The following RBPJ variants were observed in gnomAD, a reference collection of about 807,000 sequenced individuals.
RBPJ encodes the protein recombining binding protein suppressor of hairless.
In RBPJ, 9 loss-of-function variants were observed where a neutral mutation model predicts 67.8. The observed-to-expected ratio is 0.13, with a 90% CI of 0.08 to 0.23. The LOEUF is 0.23. Ranked by LOEUF, RBPJ falls within the 10% of genes least tolerant of loss-of-function variation. The pLI, the probability that RBPJ is intolerant of heterozygous loss-of-function variation, is 1.00. For synonymous variants in RBPJ, 198 were observed against 203.3 expected, an observed-to-expected ratio of 0.97 and a Z score of 0.22; for missense variants, 305 against 595.6, an observed-to-expected ratio of 0.51 and a Z score of 5.08.
intron 2 of RBPJ, among the ~76,000 whole-genome samples, chr4:26,393,308 T>C (rs1731729939): frequency 6.6e-6 from 1 of 152,232 alleles, no homozygotes; most frequent in African/African-American, 2.4e-5. Flanking sequence ...TTTTATTTTA[T>C]TAAGCACAAA....
At chr4:26,254,389 T>C (rs1720222272) in intron 1 of RBPJ, among the ~76,000 whole-genome samples, 1 of 148,852 alleles carries the variant, frequency 6.7e-6, no homozygotes, top group South Asian at 2.1e-4. Flanking sequence ...TTTCTTCAAA[T>C]ACTCTAAATG....
chr4:26,126,283 A>C, the RBPJ span, among the ~76,000 whole-genome samples: 3 of 152,338 alleles, frequency 2.0e-5, no homozygotes, highest in African/African-American at 7.2e-5. Context: ...GGAGACAGAC[A>C]CTGCTGAAGA....
intron 3 of RBPJ, 136 bp from the exon 4 acceptor site, chr4:26,415,339 T>G (rs1483767973): frequency 1.4e-6 from 1 of 725,738 alleles, no homozygotes; most frequent in Non-Finnish European, 2.2e-6. Context: ...ACAAAAGGCT[T>G]CACCAAAATT....
the RBPJ span, among the ~76,000 whole-genome samples, chr4:26,120,444 G>A: frequency 2.6e-5 from 4 of 152,164 alleles, no homozygotes; most frequent in South Asian, 2.1e-4. Flanking sequence ...TCGTTCTCTC[G>A]GTACCTCTAT....
intron 1 of RBPJ, among the ~76,000 whole-genome samples, chr4:26,379,062 G>A (rs903126799): frequency 6.6e-6 from 1 of 152,002 alleles, no homozygotes; most frequent in Non-Finnish European, 1.5e-5. Flanking sequence ...ATAAGAAAAC[G>A]GTGCTTTTCA....
intron 1 of RBPJ, among the ~76,000 whole-genome samples, chr4:26,291,052 A>G (rs1449656090): frequency 6.6e-6 from 1 of 150,932 alleles, no homozygotes; most frequent in Admixed American, 6.6e-5. Context: ...TCTGTTTATT[A>G]CCCATATTTC....
At chr4:26,311,488 G>A (rs1722425071) in intron 1 of RBPJ, among the ~76,000 whole-genome samples, 1 of 151,618 alleles carries the variant, frequency 6.6e-6, no homozygotes, top group Non-Finnish European at 1.5e-5. Context: ...GCAGTGAGCC[G>A]AGATTGAGAC....
intron 1 of RBPJ, among the ~76,000 whole-genome samples, chr4:26,336,427 T>C (rs1475514672): frequency 6.6e-6 from 1 of 152,068 alleles, no homozygotes; most frequent in Non-Finnish European, 1.5e-5. Context: ...TGAGGAAGGA[T>C]AGCTGGAGAT....
rs1046198363 is a variant in RBPJ, at chr4:26,195,158, C to T, written c.-167+31544C>T. Among the ~76,000 whole-genome samples the T allele has an allele frequency of 8.5e-5, 13 of 152,250 alleles. No homozygotes were observed. The South Asian group carries it at 2.3e-3, about 27-fold the overall frequency. ...TCAAGGTGGGAGGATCCCTTGAAGCCGAGAGTTCAAGACCAGCCTGGCCAA... is the reference window on the plus strand; with the variant it reads ...TCAAGGTGGGAGGATCCCTTGAAGCTGAGAGTTCAAGACCAGCCTGGCCAA... On this transcript the variant is annotated intron_variant, in intron 1 of 4. Transcript: ENST00000512351.
intron 1 of RBPJ, among the ~76,000 whole-genome samples, chr4:26,238,215 C>T (rs1410745123): frequency 6.6e-6 from 1 of 152,158 alleles, no homozygotes; most frequent in Non-Finnish European, 1.5e-5. Context: ...GCGCGCACCA[C>T]CGTGCCTGGC....
chr4:26,271,948 G>A (rs976574358), intron 1 of RBPJ, among the ~76,000 whole-genome samples: 4 of 152,210 alleles, frequency 2.6e-5, no homozygotes, highest in Admixed American at 6.5e-5. Flanking sequence ...ATAGGCACAT[G>A]GGTGCATACA....
At chr4:26,212,417 T>TTTTTCTTTTC (rs202234603) in intron 1 of RBPJ, among the ~76,000 whole-genome samples, 50 of 94,786 alleles carry the variant, frequency 5.3e-4, no homozygotes, top group South Asian at 1.1e-3. Context: ...TTCTCCTGCC[T>TTTTTCTTTTC]TTTTCTTTTC....
At chr4:26,115,272 G>A in the RBPJ span, among the ~76,000 whole-genome samples, 2 of 152,096 alleles carry the variant, frequency 1.3e-5, no homozygotes, top group African/African-American at 4.8e-5. Context: ...CGTCATTACC[G>A]CTGAACTGCC....
In RBPJ at chr4:26,210,706, TC is replaced by T. The variant is rs1478007992; in HGVS notation, c.-167+47094del. Among the ~76,000 whole-genome samples, 257 of 108,776 alleles carry T rather than the reference TC, an allele frequency of 2.4e-3. 50 individuals are homozygous for T. Among genetic ancestry groups the T allele is most frequent in the South Asian group, 4.9e-3 (14 of 2,884 alleles). The allele number at this position is 108,776 out of a possible 152,430, so 71.4% of individuals were successfully genotyped here. ...TCTTTCCTTTCTTTCTTTCTTTCTT[TC>T]CTTCTTTCCTTCTTTCTTTCCTTCT... On this transcript the variant is annotated intron_variant, in intron 1 of 4. Coordinates refer to the RBPJ transcript ENST00000512351.
chr4:26,362,507 A>T, intron 1 of RBPJ: 1 of 1,553,178 alleles, frequency 6.4e-7, no homozygotes, highest in Non-Finnish European at 8.7e-7. Flanking sequence ...AACCATTATG[A>T]TCTCAAAACG....
At chr4:26,279,977 AG>A (rs1470914024) in intron 1 of RBPJ, among the ~76,000 whole-genome samples, 4 of 151,416 alleles carry the variant, frequency 2.6e-5, no homozygotes, top group African/African-American at 7.3e-5. Flanking sequence ...TTGCAGAGAC[AG>A]GTTTTGCCAC....
chr4:26,124,320 T>C, the RBPJ span, among the ~76,000 whole-genome samples: 1 of 150,792 alleles, frequency 6.6e-6, no homozygotes, highest in Non-Finnish European at 1.5e-5. Flanking sequence ...TTTCCATTCC[T>C]GAGTTACTTC....
chr4:26,385,983 T>C (rs1730876886), intron 1 of RBPJ, among the ~76,000 whole-genome samples: 1 of 151,994 alleles, frequency 6.6e-6, no homozygotes, highest in Non-Finnish European at 1.5e-5. Context: ...AATTATTTTA[T>C]AATGATTACA....
chr4:26,372,518 C>T (rs1423600904), intron 1 of RBPJ, among the ~76,000 whole-genome samples: 1 of 152,184 alleles, frequency 6.6e-6, no homozygotes, highest in East Asian at 1.9e-4. Context: ...AATTTGAGTT[C>T]ATACATAGCA....
Sources: allele counts gnomAD v4.1 joint callset (sites outside exome capture counted in the v4.1 genomes callset), GRCh38; gene constraint gnomAD v4.1.1; transcripts MANE v1.5; gene names NCBI Gene and HGNC (gene_info 2026-07-23, HGNC 2026-07-21).